The following CNTN4 variants were observed in gnomAD, a reference collection of about 807,000 sequenced individuals.
CNTN4 encodes the protein contactin 4, also known as contactin-4.
Under a neutral mutation model 122.5 loss-of-function variants are expected in CNTN4, and 77 were observed. That is an observed-to-expected ratio of 0.63 (90% CI 0.52 to 0.76). The LOEUF is 0.76. CNTN4 is among the 30% of genes least tolerant of loss of function. CNTN4 has a pLI of 0.00. For missense variants in CNTN4, 1,256 were observed against 1,259.1 expected, an observed-to-expected ratio of 1.00 and a Z score of 0.04; for synonymous variants, 512 against 447.0, an observed-to-expected ratio of 1.15 and a Z score of -1.83.
At chr3:2,150,172 C>G (rs13314526) in intron 2 of CNTN4, among the ~76,000 whole-genome samples, 3,747 of 152,188 alleles carry the variant, frequency 0.025, 178 homozygotes, top group African/African-American at 0.086. Flanking sequence ...AGCATATGCT[C>G]TAGAGCAAAG....
chr3:2,174,747 A>G (rs534500374), intron 2 of CNTN4, among the ~76,000 whole-genome samples: 93 of 152,338 alleles, frequency 6.1e-4, no homozygotes, highest in African/African-American at 2.0e-3. Context: ...TGCAAGTGGT[A>G]TAAGCATGGC....
intron 6 of CNTN4, among the ~76,000 whole-genome samples, chr3:2,791,970 C>T (rs1367430160): frequency 1.3e-5 from 2 of 152,162 alleles, no homozygotes; most frequent in Non-Finnish European, 2.9e-5. Flanking sequence ...ATCTCCTTAT[C>T]TCAAGATCCT....
intron 14 of CNTN4, among the ~76,000 whole-genome samples, chr3:2,992,931 AC>A (rs374036634): frequency 5.8e-4 from 88 of 152,296 alleles, no homozygotes; most frequent in Middle Eastern, 3.4e-3. Context: ...TCCTACCCTA[AC>A]AAATCTAACT....
chr3:2,664,629 C>A (rs1383529402), intron 4 of CNTN4, among the ~76,000 whole-genome samples: 1 of 152,120 alleles, frequency 6.6e-6, no homozygotes, highest in Non-Finnish European at 1.5e-5. Context: ...TGAGCCCAGC[C>A]ACATCTTATC....
intron 3 of CNTN4, among the ~76,000 whole-genome samples, chr3:2,390,347 A>G (rs2150875055): frequency 6.6e-6 from 1 of 152,026 alleles, no homozygotes; most frequent in Middle Eastern, 3.4e-3. Flanking sequence ...CTATTATTGC[A>G]ACTTTCTGTA....
chr3:2,409,518 A>T (rs962512846), intron 3 of CNTN4, among the ~76,000 whole-genome samples: 1 of 152,114 alleles, frequency 6.6e-6, no homozygotes, highest in African/African-American at 2.4e-5. Context: ...AAGTGCTGAG[A>T]TTACAGGCGT....
At chr3:2,345,397 A>T (rs2044365227) in intron 3 of CNTN4, among the ~76,000 whole-genome samples, 1 of 152,224 alleles carries the variant, frequency 6.6e-6, no homozygotes, top group South Asian at 2.1e-4. Context: ...TGTAATGTTA[A>T]GCAGAAATTT....
At chr3:2,262,162 A>C (rs952682016) in intron 2 of CNTN4, among the ~76,000 whole-genome samples, 3 of 152,116 alleles carry the variant, frequency 2.0e-5, no homozygotes, top group African/African-American at 7.2e-5. Context: ...AACTCACACT[A>C]TATAAAGTAA....
chr3:2,687,232 A>G (rs1194496232), intron 4 of CNTN4, among the ~76,000 whole-genome samples: 8 of 7,630 alleles, frequency 1.0e-3, no homozygotes, highest in Non-Finnish European at 2.4e-3. Context: ...GCAATAGCCT[A>G]AAGCTGAGCA....
At chr3:2,869,258 A>T (rs1056214814) in intron 8 of CNTN4, among the ~76,000 whole-genome samples, 3 of 152,216 alleles carry the variant, frequency 2.0e-5, no homozygotes, top group Non-Finnish European at 4.4e-5. Flanking sequence ...TCAGAAAACA[A>T]TAGTGAAAAC....
chr3:2,987,396 G>A (rs1015716230), intron 13 of CNTN4, among the ~76,000 whole-genome samples: 5 of 152,196 alleles, frequency 3.3e-5, no homozygotes, highest in African/African-American at 9.7e-5. Context: ...TCTGGCCACT[G>A]ACTGAAGAAT....
intron 2 of CNTN4, among the ~76,000 whole-genome samples, chr3:2,122,874 C>G (rs2033894018): frequency 6.6e-6 from 1 of 152,154 alleles, no homozygotes; most frequent in Non-Finnish European, 1.5e-5. Flanking sequence ...CATTCTTGTG[C>G]AAGGTTTATG....
At chr3:2,258,169 G>A (rs1299570380) in intron 2 of CNTN4, among the ~76,000 whole-genome samples, 1 of 152,154 alleles carries the variant, frequency 6.6e-6, no homozygotes, top group Non-Finnish European at 1.5e-5. Flanking sequence ...TTCAACTATT[G>A]CGGAAGACAG....
Position 2,377,615 on chromosome 3 carries a change from G to A in CNTN4, c.-89+38382G>A, listed in dbSNP as rs150221220. On this transcript the variant is annotated intron_variant, in intron 3 of 24. Coordinates refer to ENST00000418658, the MANE Select transcript of CNTN4 (RefSeq NM_175607.3). Reference sequence around the variant, plus strand: ...AGAGAGAGAGCTCCTCTGAAGCTGAGACAGTAAAACTGAAGATACCCGGAA... The same window carrying A: ...AGAGAGAGAGCTCCTCTGAAGCTGAAACAGTAAAACTGAAGATACCCGGAA... 2.5e-3 allele frequency among the ~76,000 whole-genome samples: 382 copies of A among 152,320 alleles called. 3 individuals carry two copies. The highest frequency in any genetic ancestry group is 8.1e-3 in the African/African-American group (336 of 41,566).
chr3:2,380,655 A>C (rs182154645), intron 3 of CNTN4, among the ~76,000 whole-genome samples: 1 of 152,080 alleles, frequency 6.6e-6, no homozygotes, highest in Non-Finnish European at 1.5e-5. Context: ...TGCCAAATTC[A>C]GTATATCCAG....
At chr3:2,367,624 A>G (rs776679907) in intron 3 of CNTN4, among the ~76,000 whole-genome samples, 9 of 152,132 alleles carry the variant, frequency 5.9e-5, no homozygotes, top group Non-Finnish European at 1.2e-4. Flanking sequence ...TCCTGGATTC[A>G]AGGTACATAC....
intron 3 of CNTN4, among the ~76,000 whole-genome samples, chr3:2,564,235 AT>A (rs1477383071): frequency 6.6e-6 from 1 of 152,186 alleles, no homozygotes; most frequent in Non-Finnish European, 1.5e-5. Flanking sequence ...TATTTAAGCT[AT>A]GTTCAAGCAT....
chr3:3,002,797 AG>A (rs1696180753), intron 14 of CNTN4, among the ~76,000 whole-genome samples: 1 of 152,242 alleles, frequency 6.6e-6, no homozygotes, highest in Admixed American at 6.5e-5. Context: ...ATTCTAACTC[AG>A]GCACCCCCAA....
intron 4 of CNTN4, among the ~76,000 whole-genome samples, chr3:2,642,306 G>C (rs1210370320): frequency 6.6e-6 from 1 of 152,128 alleles, no homozygotes; most frequent in Admixed American, 6.5e-5. Flanking sequence ...TTTTATTCCG[G>C]CTGCACTGGC....
Sources: gnomAD v4.1 joint callset for allele counts (sites outside exome capture counted in the v4.1 genomes callset) on GRCh38, gnomAD v4.1.1 for gene constraint, MANE v1.5 for transcripts, NCBI Gene and HGNC (gene_info 2026-07-23, HGNC 2026-07-21) for gene names.